Variants in TNS1 observed in about 807,000 individuals in gnomAD.
The protein encoded by TNS1 is tensin 1.
Under a neutral mutation model 168.6 loss-of-function variants are expected in TNS1, and 62 were observed. The ratio of observed to expected loss-of-function variants is 0.37; its 90% confidence interval spans 0.30 to 0.45. The LOEUF (loss-of-function observed/expected upper bound fraction) is 0.45. Ranked by LOEUF, TNS1 falls within the 20% of genes least tolerant of loss-of-function variation. The pLI is 1.00. For synonymous variants in TNS1, 934 were observed against 933.2 expected, an observed-to-expected ratio of 1.00 and a Z score of -0.02; for missense variants, 2,240 against 2,339.4, an observed-to-expected ratio of 0.96 and a Z score of 0.88.
At chr2:217,944,889 T>C (rs1021199858) in intron 3 of TNS1, among the ~76,000 whole-genome samples, 4 of 152,202 alleles carry the variant, frequency 2.6e-5, no homozygotes, top group African/African-American at 9.7e-5. Flanking sequence ...TAGAGCACCA[T>C]ATGAAAGATA....
intron 1 of TNS1, among the ~76,000 whole-genome samples, chr2:218,018,875 G>A (rs1350146680): frequency 1.3e-5 from 2 of 152,166 alleles, no homozygotes; most frequent in Non-Finnish European, 2.9e-5. Flanking sequence ...TCAGGAATTT[G>A]AGACCAGCCT....
At chr2:217,866,365 G>A (rs1949271317) in intron 18 of TNS1, among the ~76,000 whole-genome samples, 1 of 152,192 alleles carries the variant, frequency 6.6e-6, no homozygotes, top group Non-Finnish European at 1.5e-5. Flanking sequence ...ACCAGGCACT[G>A]TTTGGATCCC....
Position 217,886,025 on chromosome 2 carries a change from A to G in TNS1, c.1040+19T>C, listed in dbSNP as rs773361559. 1.2e-6 allele frequency: 2 copies of G among 1,613,564 alleles called. No individual in the cohort carries two copies. The highest frequency in any genetic ancestry group is 2.7e-5 in the African/African-American group (2 of 74,846). On this transcript the variant is annotated intron_variant, in intron 14 of 32. Coordinates refer to ENST00000682258, the MANE Select transcript of TNS1 (RefSeq NM_001387777.1). ...GGGCCTTGGGCTTCTCTGGCCTCTC[A>G]CGCCCATGTAATACTTACTAGATGC...
chr2:217,946,211 G>T (rs1253163652), intron 3 of TNS1, among the ~76,000 whole-genome samples: 2 of 152,144 alleles, frequency 1.3e-5, no homozygotes, highest in Non-Finnish European at 2.9e-5. Flanking sequence ...ATCCTCCCTG[G>T]ATCCTTCTCC....
chr2:217,972,957 T>C (rs1957805688), intron 3 of TNS1, among the ~76,000 whole-genome samples: 1 of 152,090 alleles, frequency 6.6e-6, no homozygotes, highest in South Asian at 2.1e-4. Flanking sequence ...AATACATAAA[T>C]AAAAGTTATT....
intron 3 of TNS1, among the ~76,000 whole-genome samples, chr2:217,929,127 G>T (rs561071085): frequency 3.9e-4 from 59 of 152,306 alleles, no homozygotes; most frequent in African/African-American, 1.2e-3. Context: ...GGGACCATGG[G>T]CCTCCCAGCC....
At chr2:217,990,489 T>C (rs1211589011) in intron 2 of TNS1, among the ~76,000 whole-genome samples, 1 of 130,534 alleles carries the variant, frequency 7.7e-6, no homozygotes, top group Non-Finnish European at 1.6e-5. Context: ...GCCATCCACA[T>C]GCCAGCCACA....
intron 18 of TNS1, among the ~76,000 whole-genome samples, chr2:217,870,575 G>A (rs1346113739): frequency 6.6e-6 from 1 of 152,120 alleles, no homozygotes; most frequent in Non-Finnish European, 1.5e-5. Flanking sequence ...AGGCTGAGGG[G>A]GAAAGAGTAC....
Position 217,813,109 on chromosome 2 carries a change from T to C in TNS1, c.4954+106A>G, listed in dbSNP as rs922327430. 2 of 748,318 alleles carry C rather than the reference T, an allele frequency of 2.7e-6. No individual in the cohort carries two copies. The highest frequency in any genetic ancestry group is 3.6e-4 in the Middle Eastern group (1 of 2,748). 46.4% of individuals were successfully genotyped at this position (748,318 alleles called of 1,614,324 possible). On this transcript the variant is annotated intron_variant, in intron 27 of 32. Transcript: ENST00000682258. This position sits in a 1 kb window ranked among gnomAD's most constrained non-coding sequence, Gnocchi z 4.0. ...CTGCTGAATTTATGACAAGGGTGAC[T>C]GGCAGAGCCTGTCAGAAAGAACTTG...
At chr2:217,824,880 G>A (rs569392471) in intron 22 of TNS1, among the ~76,000 whole-genome samples, 5 of 152,194 alleles carry the variant, frequency 3.3e-5, no homozygotes, top group African/African-American at 7.2e-5. Flanking sequence ...TTGGCTGCCC[G>A]TGGGCTCCCA....
rs1221771233 is a variant in TNS1, at chr2:217,913,054, T to C, written c.229-5803A>G. Among the ~76,000 whole-genome samples, 4 of 152,060 alleles carry C rather than the reference T, an allele frequency of 2.6e-5. No homozygotes were observed. In the East Asian group the frequency reaches 7.7e-4, roughly 29 times the overall value. On this transcript the variant is annotated intron_variant, in intron 4 of 32. Coordinates refer to ENST00000682258, the MANE Select transcript of TNS1 (RefSeq NM_001387777.1). ...CTGCACCTCCCAGAGCCCTGTGCTC[T>C]CCCCTCGCTCAGTCTTGAGGAAGTG...
At chr2:217,816,192 C>T (rs1303172835) in intron 24 of TNS1, among the ~76,000 whole-genome samples, 2 of 152,184 alleles carry the variant, frequency 1.3e-5, no homozygotes. Context: ...CTGTATCTTC[C>T]TGTCTAAGCA....
intron 2 of TNS1, among the ~76,000 whole-genome samples, chr2:217,983,093 G>T (rs544836851): frequency 1.3e-5 from 2 of 152,182 alleles, no homozygotes; most frequent in Admixed American, 1.3e-4. Flanking sequence ...CAGCCAGTCT[G>T]TGAGTGACAG....
intron 3 of TNS1, among the ~76,000 whole-genome samples, chr2:217,956,053 C>T (rs939710590): frequency 3.9e-5 from 6 of 152,218 alleles, no homozygotes; most frequent in South Asian, 2.1e-4. Flanking sequence ...CCCAGAGTCA[C>T]GGAAGGCTCT....
In TNS1 at chr2:217,880,081, T is replaced by G. The variant is rs536113611; in HGVS notation, c.1429+817A>C. Among the ~76,000 whole-genome samples, 16 of 152,246 alleles carry G rather than the reference T, an allele frequency of 1.1e-4. No individual in the cohort carries two copies. The highest frequency in any genetic ancestry group is 3.9e-4 in the African/African-American group (16 of 41,552). On this transcript the variant is annotated intron_variant, in intron 18 of 32. Transcript: ENST00000682258. The surrounding 1 kb of genome is among the most constrained non-coding windows in gnomAD (Gnocchi z 4.2). ...AACATTCTGCAGTCCTACGACCAAC[T>G]CAAGAAAAGAAGCTTGTGGCCAAAC...
At chr2:217,982,567 C>G (rs944995173) in intron 2 of TNS1, among the ~76,000 whole-genome samples, 19 of 152,052 alleles carry the variant, frequency 1.2e-4, no homozygotes, top group African/African-American at 4.6e-4. Context: ...CCATGCCCTG[C>G]TAATTCTTGC....
chr2:217,902,913 C>T (rs1489844777), intron 6 of TNS1, among the ~76,000 whole-genome samples: 2 of 152,132 alleles, frequency 1.3e-5, no homozygotes, highest in East Asian at 1.9e-4. Context: ...CAGACATGCA[C>T]GGTGACACGT....
At chr2:218,003,480 C>T (rs1364672943), upstream of TNS1, among the ~76,000 whole-genome samples, 1 of 152,158 alleles carries the variant, frequency 6.6e-6, no homozygotes, top group African/African-American at 2.4e-5. Context: ...TGCATTTGCA[C>T]ACACAGACTG....
In TNS1 at chr2:217,995,312, G is replaced by A. The variant is rs909138770; in HGVS notation, c.34-4256C>T. Reference sequence around the variant, plus strand: ...TGCTAGAGGAGAAAGTCTACGGTCGGTGAGCCTCCTATCCTCAAATATATG... The same window carrying A: ...TGCTAGAGGAGAAAGTCTACGGTCGATGAGCCTCCTATCCTCAAATATATG... On this transcript the variant is annotated intron_variant, in intron 1 of 32. Transcript: ENST00000682258. This position sits in a 1 kb window ranked among gnomAD's most constrained non-coding sequence, Gnocchi z 4.1. Among the ~76,000 whole-genome samples the A allele has an allele frequency of 2.6e-5, 4 of 152,142 alleles. No individual in the cohort carries two copies. The highest frequency in any genetic ancestry group is 4.4e-5 in the Non-Finnish European group (3 of 68,028).
Sources: allele counts gnomAD v4.1 joint callset (sites outside exome capture counted in the v4.1 genomes callset), GRCh38; gene constraint gnomAD v4.1.1; non-coding constraint Gnocchi (gnomAD v3.1); transcripts MANE v1.5; gene names NCBI Gene and HGNC (gene_info 2026-07-23, HGNC 2026-07-21).